RELN: variants seen among roughly 807,000 people sequenced by gnomAD.
RELN encodes the protein reelin.
Under a neutral mutation model 427.6 loss-of-function variants are expected in RELN, and 108 were observed. The observed-to-expected ratio is 0.25, with a 90% CI of 0.22 to 0.30. RELN has a LOEUF of 0.30. RELN is among the 10% of genes least tolerant of loss of function. The probability of loss-of-function intolerance (pLI) is 1.00; values close to 1 mark genes in which losing one functional copy is unlikely to be tolerated. For synonymous variants in RELN, 1,524 were observed against 1,513.4 expected, an observed-to-expected ratio of 1.01 and a Z score of -0.16; for missense variants, 3,715 against 4,302.8, an observed-to-expected ratio of 0.86 and a Z score of 3.82.
At chr7:103,722,342 G>A (rs1790097835) in intron 8 of RELN, among the ~76,000 whole-genome samples, 1 of 152,056 alleles carries the variant, frequency 6.6e-6, no homozygotes, top group African/African-American at 2.4e-5. Flanking sequence ...CTAAGATATG[G>A]AAGCGACTGG....
chr7:103,727,021 T>C (rs551176386), intron 7 of RELN, among the ~76,000 whole-genome samples: 3 of 152,258 alleles, frequency 2.0e-5, no homozygotes, highest in East Asian at 1.9e-4. Flanking sequence ...ATAAATTAAA[T>C]GTATCTATTG....
intron 36 of RELN, among the ~76,000 whole-genome samples, chr7:103,559,718 G>T (rs183285698): frequency 4.5e-4 from 69 of 152,282 alleles, no homozygotes; most frequent in Non-Finnish European, 6.9e-4. Context: ...GGGACTAGAG[G>T]TGTGCACCAC....
chr7:103,639,941 A>G (rs1832664422), intron 17 of RELN, among the ~76,000 whole-genome samples: 1 of 152,204 alleles, frequency 6.6e-6, no homozygotes, highest in Non-Finnish European at 1.5e-5. Flanking sequence ...TTTTTGGTAT[A>G]AACATAAAAT....
At chr7:103,527,535 AAC>A (rs1157382478) in intron 46 of RELN, among the ~76,000 whole-genome samples, 1 of 152,168 alleles carries the variant, frequency 6.6e-6, no homozygotes, top group Non-Finnish European at 1.5e-5. Flanking sequence ...TGTAAATATG[AAC>A]AGTTGTTAAG....
chr7:103,770,375 C>T (rs780409162), intron 4 of RELN, among the ~76,000 whole-genome samples: 8 of 152,186 alleles, frequency 5.3e-5, no homozygotes, highest in Non-Finnish European at 1.0e-4. Context: ...TGAGCCACCG[C>T]GCCCCGCCCA....
At chr7:103,755,659 T>TA (rs1349689960) in intron 4 of RELN, among the ~76,000 whole-genome samples, 16 of 128,794 alleles carry the variant, frequency 1.2e-4, no homozygotes, top group Middle Eastern at 4.9e-3. Flanking sequence ...TTAAATAACA[T>TA]AAAAAAATTA....
chr7:103,967,266 T>C (rs1796678516), intron 1 of RELN, among the ~76,000 whole-genome samples: 1 of 152,136 alleles, frequency 6.6e-6, no homozygotes. Flanking sequence ...GTATCCAATA[T>C]TGGATCTTCC....
At chr7:103,773,156 CTTTCTTTCTTT>C (rs1042208125) in intron 4 of RELN, among the ~76,000 whole-genome samples, 1 of 125,114 alleles carries the variant, frequency 8.0e-6, no homozygotes, top group Non-Finnish European at 1.7e-5. Flanking sequence ...TTCTTTCTTT[CTTTCTTTCTTT>C]TTCTTTCTTT....
At chr7:103,607,909 A>C (rs2117282331) in intron 22 of RELN, among the ~76,000 whole-genome samples, 1 of 152,338 alleles carries the variant, frequency 6.6e-6, no homozygotes, top group South Asian at 2.1e-4. Flanking sequence ...TAAAAACAAA[A>C]TTAATTTTCA....
chr7:103,848,652 A>G (rs1793739988), intron 2 of RELN, among the ~76,000 whole-genome samples: 1 of 152,154 alleles, frequency 6.6e-6, no homozygotes, highest in Admixed American at 6.5e-5. Flanking sequence ...AAACTAGGTG[A>G]CACGCCTTCA....
At chr7:103,509,404 A>G (rs1584249028) in intron 51 of RELN, among the ~76,000 whole-genome samples, 1 of 152,218 alleles carries the variant, frequency 6.6e-6, no homozygotes, top group South Asian at 2.1e-4. Flanking sequence ...GCAATGGGGA[A>G]AGGATTCCCT....
At chr7:103,737,114 G>GATA (rs138152594) in intron 6 of RELN, among the ~76,000 whole-genome samples, 33,183 of 152,016 alleles carry the variant, frequency 0.22, 4,767 homozygotes, top group African/African-American at 0.41. Context: ...AATATTAAAT[G>GATA]ATAATTCCAT....
At chr7:103,576,530 C>A (rs1831006438) in intron 28 of RELN, among the ~76,000 whole-genome samples, 1 of 152,172 alleles carries the variant, frequency 6.6e-6, no homozygotes, top group Non-Finnish European at 1.5e-5. Flanking sequence ...TTATTTTACT[C>A]AATTAATATT....
intron 2 of RELN, among the ~76,000 whole-genome samples, chr7:103,906,372 G>A (rs1350006002): frequency 6.6e-6 from 1 of 152,060 alleles, no homozygotes; most frequent in African/African-American, 2.4e-5. Context: ...ATTTTTTTTA[G>A]GATCAAAAGA....
At chr7:103,641,115 G>C (rs1832685957) in intron 16 of RELN, among the ~76,000 whole-genome samples, 1 of 152,092 alleles carries the variant, frequency 6.6e-6, no homozygotes, top group Non-Finnish European at 1.5e-5. Flanking sequence ...TGAGCCTAAA[G>C]GCTACTGATT....
intron 50 of RELN, among the ~76,000 whole-genome samples, chr7:103,514,723 G>A (rs1007844108): frequency 2.0e-5 from 3 of 152,062 alleles, no homozygotes; most frequent in Non-Finnish European, 4.4e-5. Flanking sequence ...ACCCCTATAG[G>A]GAATGAAGGG....
intron 1 of RELN, among the ~76,000 whole-genome samples, chr7:103,949,412 T>A (rs572937750): frequency 3.0e-4 from 45 of 151,344 alleles, no homozygotes; most frequent in Non-Finnish European, 6.2e-4. Flanking sequence ...ATCCCCAACA[T>A]GATGGTATTT....
chr7:103,489,203 G>GTGTGTGTGTGT (rs1828558083), intron 60 of RELN, among the ~76,000 whole-genome samples: 3,768 of 147,824 alleles, frequency 0.025, 80 homozygotes, highest in East Asian at 0.13. Flanking sequence ...GTCATAAAGG[G>GTGTGTGTGTGT]GTGTGTGTGT....
At chr7:103,731,215 C>T (rs929429382) in intron 6 of RELN, among the ~76,000 whole-genome samples, 1 of 152,044 alleles carries the variant, frequency 6.6e-6, no homozygotes, top group Non-Finnish European at 1.5e-5. Context: ...CGGAACTGGT[C>T]CTGAATGAGA....
Sources: gnomAD v4.1 joint callset for allele counts (sites outside exome capture counted in the v4.1 genomes callset) on GRCh38, gnomAD v4.1.1 for gene constraint, MANE v1.5 for transcripts, NCBI Gene and HGNC (gene_info 2026-07-23, HGNC 2026-07-21) for gene names.